The following ATRNL1 variants were observed in gnomAD, a reference collection of about 807,000 sequenced individuals.
ATRNL1 encodes attractin-like protein 1.
A neutral mutation model predicts 182.7 loss-of-function variants in ATRNL1; 95 were observed. The observed-to-expected ratio is 0.52, with a 90% confidence interval of 0.44 to 0.62. The LOEUF is 0.62. Among genes scored for constraint, ATRNL1 ranks in the 20% least tolerant of loss-of-function variants. The pLI, the probability that ATRNL1 is intolerant of heterozygous loss-of-function variation, is 0.00. For missense variants in ATRNL1, 1,471 were observed against 1,679.5 expected, an observed-to-expected ratio of 0.88 and a Z score of 2.17; for synonymous variants, 576 against 568.3, an observed-to-expected ratio of 1.01 and a Z score of -0.19.
At chr10:115,409,945 AT>A (rs1468271313) in intron 20 of ATRNL1, among the ~76,000 whole-genome samples, 1 of 152,036 alleles carries the variant, frequency 6.6e-6, no homozygotes, top group Non-Finnish European at 1.5e-5. Context: ...GAGATGTTGA[AT>A]TTTGTCAAAT....
intron 19 of ATRNL1, among the ~76,000 whole-genome samples, chr10:115,372,637 C>T (rs1214182439): frequency 6.6e-6 from 1 of 152,094 alleles, no homozygotes; most frequent in Non-Finnish European, 1.5e-5. Flanking sequence ...GCTATCCTTT[C>T]CTTATTGTGT....
chr10:115,604,469 G>A (rs1555017001), intron 26 of ATRNL1, among the ~76,000 whole-genome samples: 1 of 152,138 alleles, frequency 6.6e-6, no homozygotes, highest in Non-Finnish European at 1.5e-5. Context: ...GAGAAACTGT[G>A]CAAGTCACCA....
At chr10:115,402,639 T>C (rs1844620891) in intron 20 of ATRNL1, among the ~76,000 whole-genome samples, 1 of 152,224 alleles carries the variant, frequency 6.6e-6, no homozygotes, top group Non-Finnish European at 1.5e-5. Flanking sequence ...TTTTACTCTC[T>C]GTTCACAGTA....
intron 19 of ATRNL1, among the ~76,000 whole-genome samples, chr10:115,380,680 T>G (rs12248911): frequency 6.6e-6 from 1 of 152,176 alleles, no homozygotes; most frequent in Non-Finnish European, 1.5e-5. Context: ...TAAAGGTTCA[T>G]CCATGTTGTA....
chr10:115,383,081 T>A (rs1858116950), intron 19 of ATRNL1, among the ~76,000 whole-genome samples: 1 of 151,632 alleles, frequency 6.6e-6, no homozygotes, highest in Non-Finnish European at 1.5e-5. Context: ...CAAAATAATT[T>A]TTCTGTATTT....
In ATRNL1 at chr10:115,469,346, T is replaced by G; in HGVS notation, c.3654+17T>G. 6.8e-7 allele frequency: 1 copy of G among 1,471,586 alleles called. No homozygotes were observed. The highest frequency in any genetic ancestry group is 9.1e-7 in the Non-Finnish European group (1 of 1,102,078). The allele number at this position is 1,471,586 out of a possible 1,614,324, so 91.2% of individuals were successfully genotyped here. A position where few individuals can be genotyped will look rare whatever the true frequency, so the allele number is the denominator to read the frequency against. ...AAAATACAGGTAAGTGTTAAGAGTATTTACTTCTAATGACCATAATATCAT... is the reference window on the plus strand; with the variant it reads ...AAAATACAGGTAAGTGTTAAGAGTAGTTACTTCTAATGACCATAATATCAT... On this transcript the variant is annotated intron_variant, in intron 24 of 28. Transcript: ENST00000355044.
chr10:115,332,844 G>T (rs1359703245), intron 18 of ATRNL1, among the ~76,000 whole-genome samples: 1 of 151,426 alleles, frequency 6.6e-6, no homozygotes, highest in East Asian at 1.9e-4. Context: ...TACATTCAAT[G>T]TTCCATATAC....
chr10:115,422,521 T>C (rs1257081695), intron 20 of ATRNL1, among the ~76,000 whole-genome samples: 1 of 152,120 alleles, frequency 6.6e-6, no homozygotes, highest in African/African-American at 2.4e-5. Context: ...ATGGGAATTA[T>C]TTAAAAAAAT....
In ATRNL1 at chr10:115,479,857, G is replaced by C. The variant is rs1489862752; in HGVS notation, c.3654+10528G>C. 2.6e-5 allele frequency among the ~76,000 whole-genome samples: 4 copies of C among 151,352 alleles called. No homozygotes were observed. The South Asian group carries it at 6.2e-4, about 24-fold the overall frequency. On this transcript the variant is annotated intron_variant, in intron 24 of 28. Transcript: ENST00000355044. ...TTCAAAAAAAGTGTATTGAACTTAA[G>C]TACTTTGTATTCTACAATAGTGCTG...
At chr10:115,663,822 G>A (rs942017364) in intron 26 of ATRNL1, among the ~76,000 whole-genome samples, 5 of 152,006 alleles carry the variant, frequency 3.3e-5, no homozygotes, top group South Asian at 2.1e-4. Flanking sequence ...ACTGAAGAGC[G>A]TCATGAATTT....
chr10:115,659,756 A>G (rs553025116), intron 26 of ATRNL1, among the ~76,000 whole-genome samples: 12 of 152,100 alleles, frequency 7.9e-5, no homozygotes, highest in Admixed American at 2.0e-4. Flanking sequence ...GAGACCAGAA[A>G]AGTGAGTAAG....
chr10:115,140,196 G>A (rs536408211), intron 5 of ATRNL1, among the ~76,000 whole-genome samples: 26 of 152,212 alleles, frequency 1.7e-4, no homozygotes, highest in African/African-American at 5.1e-4. Context: ...TGTCCATACC[G>A]TGGCTGCCTA....
rs782667229 is a variant in ATRNL1, at chr10:115,352,909, AAAC to A, written c.3175+18502_3175+18504del. Among the ~76,000 whole-genome samples the A allele has an allele frequency of 4.6e-5, 7 of 152,336 alleles. No individual in the cohort carries two copies. In the South Asian group the frequency reaches 1.2e-3, roughly 27 times the overall value. The stretch of plus-strand genomic sequence containing the variant: ...CAAGAGCAAAACTCTGTCTTTAAAA[AAAC>A]AACAACAACAAAAACCAACTTGATA... On this transcript the variant is annotated intron_variant, in intron 19 of 28. Coordinates refer to ENST00000355044, the MANE Select transcript of ATRNL1 (RefSeq NM_207303.4).
At chr10:115,287,065 G>A (rs1852654457) in intron 15 of ATRNL1, among the ~76,000 whole-genome samples, 1 of 151,894 alleles carries the variant, frequency 6.6e-6, no homozygotes, top group South Asian at 2.1e-4. Flanking sequence ...ACAGAGAGAT[G>A]ACTATGTTAC....
At chr10:115,883,221 G>C (rs922666460) in intron 28 of ATRNL1, among the ~76,000 whole-genome samples, 4 of 152,190 alleles carry the variant, frequency 2.6e-5, no homozygotes, top group Non-Finnish European at 4.4e-5. Context: ...CAGTCTGCAA[G>C]CTCCAATGGA....
At chr10:115,337,523 C>T (rs1554937108) in intron 19 of ATRNL1, among the ~76,000 whole-genome samples, 1 of 152,064 alleles carries the variant, frequency 6.6e-6, no homozygotes, top group African/African-American at 2.4e-5. Flanking sequence ...ATTAATCATC[C>T]CTACCTTCTC....
chr10:115,519,811 G>A (rs781989173), intron 25 of ATRNL1, among the ~76,000 whole-genome samples: 10 of 152,132 alleles, frequency 6.6e-5, no homozygotes, highest in Non-Finnish European at 1.3e-4. Context: ...TTTTCAACTG[G>A]CATTACTTCT....
At chr10:115,152,809 G>A (rs369276954) in intron 5 of ATRNL1, among the ~76,000 whole-genome samples, 106 of 152,252 alleles carry the variant, frequency 7.0e-4, no homozygotes, top group South Asian at 1.7e-3. Flanking sequence ...CAAAGGGAAT[G>A]CTTCCAGTTT....
rs1851672457 is a variant in ATRNL1 at position 115,267,844 on chromosome 10, C to T, written c.1982-482C>T. 2.6e-5 allele frequency among the ~76,000 whole-genome samples: 4 copies of T among 152,044 alleles called. No homozygotes were observed. The South Asian group carries it at 8.3e-4, about 32-fold the overall frequency. On this transcript the variant is annotated intron_variant, in intron 12 of 28. Coordinates refer to ENST00000355044, the MANE Select transcript of ATRNL1 (RefSeq NM_207303.4). ...GCTGGAGTGCAGTGGTGTGATCAAA[C>T]TCTGTCTCCTGGTTTCAAGCAATTC...
Sources: allele counts gnomAD v4.1 joint callset (sites outside exome capture counted in the v4.1 genomes callset), GRCh38; gene constraint gnomAD v4.1.1; transcripts MANE v1.5; gene names NCBI Gene and HGNC (gene_info 2026-07-23, HGNC 2026-07-21).